The following ADAM20 variants were observed in gnomAD, a reference collection of about 807,000 sequenced individuals.
ADAM20 encodes ADAM metallopeptidase domain 20, also known as disintegrin and metalloproteinase domain-containing protein 20.
For missense variants in ADAM20, 871 were observed against 883.2 expected (o/e 0.99, Z 0.18); for synonymous variants, 305 against 310.2 (o/e 0.98, Z 0.18).
chr14:70,524,486 G>C lies in ADAM20; in HGVS notation c.272C>G (p.Thr91Ser), dbSNP rs1450513466. Residue 91 changes from threonine to serine, a missense_variant, in exon 2 of 2, where the codon ACC (threonine) becomes AGC (serine). Physicochemically the swap from Thr to Ser is moderately conservative, Grantham distance 58. Transcript: ENST00000256389. ...GAGCAGGGCATGCTGCTCTGTGTAG[G>C]TGAACACAGGAAGGTGTGCAGCAAA... ...LLFAAHLPVF[T>S]YTEQHALLQD... 1.2e-6 allele frequency: 2 copies of C among 1,613,990 alleles called. No individual in the cohort carries two copies. Among genetic ancestry groups the C allele is most frequent in the Non-Finnish European group, 1.7e-6 (2 of 1,179,926 alleles).
chr14:70,524,236 C>T lies in ADAM20; in HGVS notation c.522G>A (p.Gly174=). 3.7e-6 allele frequency: 6 copies of T among 1,613,960 alleles called. No homozygotes were observed. The highest frequency in any genetic ancestry group is 1.1e-5 in the South Asian group (1 of 91,064). The change falls in exon 2 of 2, where the codon GGG becomes GGA. Residue 174 remains glycine, a synonymous_variant. Coordinates refer to ENST00000256389, the MANE Select transcript of ADAM20 (RefSeq NM_003814.5). ...GGTGTGCTATTTTCTCTTCTGTTAA[C>T]CCACATCTCATAGGTGGAAACTGTG... The part of the protein sequence containing the change: ...DDTQFPPMRC[G]LTEEKIAHQM...
chr14:70,534,846 T>A lies in ADAM20; in HGVS notation c.-226A>T, dbSNP rs1206430105. On this transcript the variant is annotated 5_prime_UTR_variant, in exon 1 of 2. It adds an upstream start codon to the 5' untranslated region. Coordinates refer to ENST00000256389, the MANE Select transcript of ADAM20 (RefSeq NM_003814.5). ...TTTATATTTTCAGTCCTCTAATAAC[T>A]TTTTAAATTTTTCCTATATTAATTT... 6.6e-6 allele frequency: 1 copy of A among 152,222 alleles called. No individual in the cohort carries two copies. Among genetic ancestry groups the A allele is most frequent in the Non-Finnish European group, 1.5e-5 (1 of 68,024 alleles). The allele number at this position is 152,222 out of a possible 1,614,324, so 9.4% of individuals were successfully genotyped here. A position where few individuals can be genotyped will look rare whatever the true frequency, so the allele number is the denominator to read the frequency against.
chr14:70,574,655 G>C, the ADAM20 span, among the ~76,000 whole-genome samples: 1 of 151,386 alleles, frequency 6.6e-6, no homozygotes, highest in Non-Finnish European at 1.5e-5. Flanking sequence ...AAAAAAGAAA[G>C]AAAGAAAGAA....
At chr14:70,540,057 T>A in the ADAM20 span, among the ~76,000 whole-genome samples, 4 of 152,120 alleles carry the variant, frequency 2.6e-5, no homozygotes, top group Non-Finnish European at 5.9e-5. Flanking sequence ...ATTTTTGTAT[T>A]TTTAGTAGAG....
At chr14:70,576,252 T>C in the ADAM20 span, among the ~76,000 whole-genome samples, 1 of 152,160 alleles carries the variant, frequency 6.6e-6, no homozygotes, top group African/African-American at 2.4e-5. Context: ...AAGAGACAAC[T>C]ATCAATGCAA....
intron 1 of ADAM20, among the ~76,000 whole-genome samples, chr14:70,526,910 C>T (rs1883602409): frequency 6.6e-6 from 1 of 152,162 alleles, no homozygotes; most frequent in African/African-American, 2.4e-5. Flanking sequence ...AAACTCAGGT[C>T]ACAAACTGTA....
chr14:70,540,184 C>T, the ADAM20 span, among the ~76,000 whole-genome samples: 2 of 152,098 alleles, frequency 1.3e-5, no homozygotes, highest in Non-Finnish European at 2.9e-5. Context: ...TGGCCCCTAG[C>T]CCTGTTCTTA....
chr14:70,524,456 T>A lies in ADAM20; in HGVS notation c.302A>T (p.Asp101Val), dbSNP rs1883538584. The A allele has an allele frequency of 2.5e-6, 4 of 1,614,016 alleles. No individual in the cohort carries two copies. Among genetic ancestry groups the A allele is most frequent in the South Asian group, 1.1e-5 (1 of 91,084 alleles). ...TYTEQHALLQ[D>V]QPFIQDDCYY... ...GCAGTCATCCTGGATGAAGGGCTGA[T>A]CCTGGAGCAGGGCATGCTGCTCTGT... The change falls in exon 2 of 2, where the codon GAT becomes GTT. Residue 101 changes from aspartate (D) to valine (V), a missense_variant. By Grantham distance (152) the Asp-to-Val change is radical. Coordinates refer to ENST00000256389, the MANE Select transcript of ADAM20 (RefSeq NM_003814.5).
chr14:70,561,573 G>A, the ADAM20 span, among the ~76,000 whole-genome samples: 3 of 152,268 alleles, frequency 2.0e-5, no homozygotes, highest in Non-Finnish European at 4.4e-5. Context: ...CTCCCTGGCA[G>A]TCACTCTCAT....
the ADAM20 span, among the ~76,000 whole-genome samples, chr14:70,568,194 C>T: frequency 4.6e-5 from 7 of 152,124 alleles, no homozygotes; most frequent in Middle Eastern, 3.2e-3. Context: ...ATAGTGTGTC[C>T]GCTCATATGT....
At chr14:70,575,373 T>G in the ADAM20 span, among the ~76,000 whole-genome samples, 2 of 152,080 alleles carry the variant, frequency 1.3e-5, no homozygotes, top group South Asian at 2.1e-4. Flanking sequence ...TTTTGTATTT[T>G]TAGTAGAGAT....
rs1883538376 is a variant in ADAM20 at position 70,524,449 on chromosome 14, G to A, written c.309C>T (p.Pro103=). The A allele has an allele frequency of 2.5e-6, 4 of 1,613,888 alleles. No homozygotes were observed. The South Asian group carries it at 3.3e-5, about 13-fold the overall frequency. The change falls in exon 2 of 2, where the codon CCC becomes CCT. Residue 103 remains proline, a synonymous_variant. Coordinates refer to ENST00000256389, the MANE Select transcript of ADAM20 (RefSeq NM_003814.5). ...GGTAGTAGCAGTCATCCTGGATGAAGGGCTGATCCTGGAGCAGGGCATGCT... is the reference window on the plus strand; with the variant it reads ...GGTAGTAGCAGTCATCCTGGATGAAAGGCTGATCCTGGAGCAGGGCATGCT... The part of the protein sequence containing the change: ...TEQHALLQDQ[P]FIQDDCYYHG...
At position 70,523,516 on chromosome 14, in the gene ADAM20, C is replaced by A. The variant is rs1231331577; in HGVS notation, c.1242G>T (p.Val414=). 1.2e-6 allele frequency: 2 copies of A among 1,614,084 alleles called. No homozygotes were observed. The highest frequency in any genetic ancestry group is 2.2e-5 in the South Asian group (2 of 91,088). Residue 414 remains valine (V), a synonymous_variant, in exon 2 of 2, where the codon GTG becomes GTT. Coordinates refer to ENST00000256389, the MANE Select transcript of ADAM20 (RefSeq NM_003814.5). The part of the protein sequence containing the change: ...IFRLKYCGNL[V]VEEGEECDCG... ...AGTCACATTCCTCCCCTTCTTCAAC[C>A]ACTAGATTCCCACAGTACTTCAGTC...
chr14:70,560,737 C>T, the ADAM20 span, among the ~76,000 whole-genome samples: 1 of 152,048 alleles, frequency 6.6e-6, no homozygotes, highest in African/African-American at 2.4e-5. Flanking sequence ...TCTCTCTTGC[C>T]ACCATGTAAA....
chr14:70,524,295 C>A lies in ADAM20; in HGVS notation c.463G>T (p.Glu155Ter). 1 of 1,613,918 alleles carries A rather than the reference C, an allele frequency of 6.2e-7. No individual in the cohort carries two copies. Among genetic ancestry groups the A allele is most frequent in the South Asian group, 1.1e-5 (1 of 91,052 alleles). The change falls in exon 2 of 2, where the codon GAA becomes TAA. Residue 155 changes from glutamate to a stop codon, truncating the protein, a stop_gained. Transcript: ENST00000256389. LOFTEE classifies it low-confidence loss of function (END_TRUNC). Reference protein sequence around the residue: ...IKPISVSATFEHLVYKIDSDD... With the variant: ...IKPISVSATF ...CTGTCTATCTTATATACTAGGTGTTCAAATGTGGCAGAAACACTAATTGGC... is the reference window on the plus strand; with the variant it reads ...CTGTCTATCTTATATACTAGGTGTTAAAATGTGGCAGAAACACTAATTGGC...
At chr14:70,573,708 T>C in the ADAM20 span, among the ~76,000 whole-genome samples, 1 of 152,064 alleles carries the variant, frequency 6.6e-6, no homozygotes, top group Non-Finnish European at 1.5e-5. Flanking sequence ...TTCATGAAAA[T>C]GGTAATTAAA....
the ADAM20 span, among the ~76,000 whole-genome samples, chr14:70,545,444 G>C: frequency 6.6e-6 from 1 of 152,008 alleles, no homozygotes; most frequent in African/African-American, 2.4e-5. Context: ...GCCCAAAGAG[G>C]GAGCATCAAC....
the ADAM20 span, among the ~76,000 whole-genome samples, chr14:70,545,802 G>T: frequency 6.6e-6 from 1 of 152,174 alleles, no homozygotes; most frequent in Non-Finnish European, 1.5e-5. Flanking sequence ...GCATTGGACA[G>T]ATCTCCCAGG....
At chr14:70,533,420 A>G (rs577929282) in intron 1 of ADAM20, among the ~76,000 whole-genome samples, 61 of 152,340 alleles carry the variant, frequency 4.0e-4, no homozygotes, top group African/African-American at 1.5e-3. Context: ...CTATGCAGCC[A>G]TAAAAAAGAA....
Sources: gnomAD v4.1 joint callset for allele counts (sites outside exome capture counted in the v4.1 genomes callset) on GRCh38, gnomAD v4.1.1 for gene constraint, MANE v1.5 for transcripts, NCBI Gene and HGNC (gene_info 2026-07-23, HGNC 2026-07-21) for gene names.